DCLK2: variants seen among roughly 807,000 people sequenced by gnomAD.
DCLK2 encodes the protein serine/threonine-protein kinase DCLK2.
In DCLK2, 31 loss-of-function variants were observed where a neutral mutation model predicts 78.4. That is an observed-to-expected ratio of 0.40 (90% CI 0.30 to 0.53). DCLK2 has a LOEUF of 0.53. Among genes scored for constraint, DCLK2 ranks in the 20% least tolerant of loss-of-function variants. The probability of loss-of-function intolerance (pLI) is 0.61; values close to 1 mark genes in which losing one functional copy is unlikely to be tolerated. For missense variants in DCLK2, 872 were observed against 973.7 expected (o/e 0.90, Z 1.39); for synonymous variants, 407 against 374.9 (o/e 1.09, Z -0.99).
At chr4:150,171,375 G>A (rs1736518896) in intron 2 of DCLK2, among the ~76,000 whole-genome samples, 1 of 152,216 alleles carries the variant, frequency 6.6e-6, no homozygotes, top group Non-Finnish European at 1.5e-5. Context: ...CAGCTACTTG[G>A]GAGGCTGAGG....
chr4:150,082,556 T>C (rs1729380998), intron 1 of DCLK2, among the ~76,000 whole-genome samples: 1 of 152,240 alleles, frequency 6.6e-6, no homozygotes, highest in Non-Finnish European at 1.5e-5. Context: ...GCACCTTCAA[T>C]TTATTGATTT....
chr4:150,227,208 A>T (rs1353911170), intron 8 of DCLK2, among the ~76,000 whole-genome samples: 2 of 152,168 alleles, frequency 1.3e-5, no homozygotes, highest in East Asian at 3.8e-4. Context: ...AGTTCAATTT[A>T]TTCATTTCTT....
chr4:150,252,715 A>C (rs1744266414), intron 15 of DCLK2, among the ~76,000 whole-genome samples: 1 of 152,250 alleles, frequency 6.6e-6, no homozygotes, highest in African/African-American at 2.4e-5. Flanking sequence ...GTGAACAAAC[A>C]ACCCGTTATT....
At chr4:150,198,284 C>A (rs984099933) in intron 4 of DCLK2, among the ~76,000 whole-genome samples, 181 bp downstream of exon 4, 1 of 152,192 alleles carries the variant, frequency 6.6e-6, no homozygotes, top group Non-Finnish European at 1.5e-5. Flanking sequence ...TACAATAATT[C>A]TCCTAAGAGA....
At chr4:150,228,047 GT>G (rs1741746851) in intron 8 of DCLK2, among the ~76,000 whole-genome samples, 1 of 152,118 alleles carries the variant, frequency 6.6e-6, no homozygotes. Context: ...TTCTTGGGTT[GT>G]GATCATATCC....
chr4:150,215,943 A>C (rs1481060982), intron 5 of DCLK2, among the ~76,000 whole-genome samples: 1 of 152,220 alleles, frequency 6.6e-6, no homozygotes, highest in Non-Finnish European at 1.5e-5. Flanking sequence ...GGCCTAAAGC[A>C]TCCCAACATT....
chr4:150,163,313 G>A (rs968679202), intron 2 of DCLK2, among the ~76,000 whole-genome samples: 6 of 152,070 alleles, frequency 3.9e-5, no homozygotes, highest in Admixed American at 1.3e-4. Context: ...CAGGAGAATC[G>A]CTTGGACCTG....
intron 2 of DCLK2, among the ~76,000 whole-genome samples, chr4:150,110,576 C>T (rs764577771): frequency 4.6e-5 from 7 of 151,914 alleles, no homozygotes; most frequent in South Asian, 2.1e-4. Flanking sequence ...TTATTGCGCC[C>T]GTCACCTGAG....
At chr4:150,142,133 T>C (rs1332006601) in intron 2 of DCLK2, among the ~76,000 whole-genome samples, 1 of 152,238 alleles carries the variant, frequency 6.6e-6, no homozygotes, top group Non-Finnish European at 1.5e-5. Flanking sequence ...AATAATTATT[T>C]AGTGAAGTTT....
At chr4:150,206,611 A>G (rs558863637) in intron 5 of DCLK2, among the ~76,000 whole-genome samples, 1 of 152,310 alleles carries the variant, frequency 6.6e-6, no homozygotes, top group South Asian at 2.1e-4. Context: ...TGCTAGGAAT[A>G]TAGTTCTGTT....
rs577187827 is a variant in DCLK2 at position 150,254,401 on chromosome 4, G to GC, written c.2074-1617dup. 1.3e-4 allele frequency: 53 copies of GC among 399,040 alleles called. 1 individual carries two copies. The South Asian group carries it at 2.9e-3, about 22-fold the overall frequency. The allele number at this position is 399,040 out of a possible 1,614,324, so 24.7% of individuals were successfully genotyped here. A position where few individuals can be genotyped will look rare whatever the true frequency, so the allele number is the denominator to read the frequency against. Reference sequence around the variant, plus strand: ...TCTCCTGCCTTCTGCCTCTCCCGCCGCCTGCATTGCTTCCCTCTGGCTAGG... The same window carrying GC: ...TCTCCTGCCTTCTGCCTCTCCCGCCGCCCTGCATTGCTTCCCTCTGGCTAGG... On this transcript the variant is annotated intron_variant, in intron 15 of 15. Coordinates refer to ENST00000296550, the MANE Select transcript of DCLK2 (RefSeq NM_001040260.4).
intron 10 of DCLK2, among the ~76,000 whole-genome samples, chr4:150,236,112 A>G (rs960628631): frequency 4.6e-5 from 7 of 152,336 alleles, no homozygotes; most frequent in South Asian, 4.1e-4. Context: ...CACAGTGTTC[A>G]TTTTGTATGT....
intron 2 of DCLK2, among the ~76,000 whole-genome samples, chr4:150,132,821 T>A (rs374469688): frequency 2.0e-5 from 3 of 152,252 alleles, no homozygotes; most frequent in South Asian, 2.1e-4. Flanking sequence ...AGAGACGGGG[T>A]CTCACTTTGT....
intron 8 of DCLK2, among the ~76,000 whole-genome samples, chr4:150,227,418 C>T (rs989700014): frequency 6.6e-6 from 1 of 152,056 alleles, no homozygotes; most frequent in Non-Finnish European, 1.5e-5. Flanking sequence ...AGGGGAAGCA[C>T]GTGGGAGAGA....
Position 150,155,370 on chromosome 4 carries a change from C to G in DCLK2, c.757-37768C>G, listed in dbSNP as rs146100273. Among the ~76,000 whole-genome samples the G allele has an allele frequency of 4.9e-4, 75 of 152,310 alleles. 1 individual carries two copies. Among genetic ancestry groups the G allele is most frequent in the African/African-American group, 1.7e-3 (69 of 41,568 alleles). On this transcript the variant is annotated intron_variant, in intron 2 of 15. Coordinates refer to ENST00000296550, the MANE Select transcript of DCLK2 (RefSeq NM_001040260.4). Reference sequence around the variant, plus strand: ...CTGGATCAAAACATGTATTTTCCTTCTGTATACAAGCTGAGGTATATAATT... The same window carrying G: ...CTGGATCAAAACATGTATTTTCCTTGTGTATACAAGCTGAGGTATATAATT...
At chr4:150,157,705 G>T (rs1580615795) in intron 2 of DCLK2, among the ~76,000 whole-genome samples, 2 of 152,186 alleles carry the variant, frequency 1.3e-5, no homozygotes, top group Non-Finnish European at 2.9e-5. Context: ...TAGAGACCGG[G>T]TTTCACCACG....
intron 1 of DCLK2, among the ~76,000 whole-genome samples, chr4:150,087,267 G>A (rs1484656413): frequency 1.3e-5 from 2 of 152,156 alleles, no homozygotes; most frequent in African/African-American, 4.8e-5. Context: ...CAAACTAAGT[G>A]ACTAAAATAA....
chr4:150,123,915 T>C (rs1319258141), intron 2 of DCLK2, among the ~76,000 whole-genome samples: 1 of 151,980 alleles, frequency 6.6e-6, no homozygotes, highest in African/African-American at 2.4e-5. Context: ...TAGCACATGC[T>C]TGTAGTCCCA....
At chr4:150,114,430 C>T (rs1412196342) in intron 2 of DCLK2, among the ~76,000 whole-genome samples, 2 of 152,058 alleles carry the variant, frequency 1.3e-5, no homozygotes, top group Admixed American at 6.6e-5. Context: ...ATGTAAGGTA[C>T]TGTTCCAGTC....
Sources: gnomAD v4.1 joint callset for allele counts (sites outside exome capture counted in the v4.1 genomes callset) on GRCh38, gnomAD v4.1.1 for gene constraint, MANE v1.5 for transcripts, NCBI Gene and HGNC (gene_info 2026-07-23, HGNC 2026-07-21) for gene names.